EPHA10: variants seen among roughly 807,000 people sequenced by gnomAD.
EPHA10 encodes the protein EPH receptor A10.
Under a neutral mutation model 109.7 loss-of-function variants are expected in EPHA10, and 120 were observed. That is an observed-to-expected ratio of 1.09 (90% CI 0.94 to 1.27). The LOEUF (loss-of-function observed/expected upper bound fraction) is 1.27, where lower values mean the gene tolerates loss of function less well. Among genes scored for constraint, EPHA10 ranks in the 50% most tolerant of loss-of-function variants. The pLI is 0.00. For missense variants in EPHA10, 1,396 were observed against 1,411.1 expected (o/e 0.99, Z 0.17); for synonymous variants, 640 against 618.9 (o/e 1.03, Z -0.51).
At chr1:37,726,311 G>A (rs1050954477) in intron 8 of EPHA10, among the ~76,000 whole-genome samples, 1 of 152,190 alleles carries the variant, frequency 6.6e-6, no homozygotes, top group East Asian at 1.9e-4. Context: ...CTAGACTAGC[G>A]AGACAGTGTT....
At chr1:37,726,223 C>T (rs1645889329) in intron 8 of EPHA10, among the ~76,000 whole-genome samples, 1 of 152,182 alleles carries the variant, frequency 6.6e-6, no homozygotes, top group Non-Finnish European at 1.5e-5. Flanking sequence ...GCACATGGAC[C>T]CTTCATGCTC....
intron 5 of EPHA10, among the ~76,000 whole-genome samples, chr1:37,735,611 C>A (rs1329213109): frequency 1.3e-5 from 2 of 152,072 alleles, no homozygotes; most frequent in Non-Finnish European, 2.9e-5. Context: ...GCCCCCACAG[C>A]CCTTTTCTTC....
Position 37,765,084 on chromosome 1 carries a change from G to A in EPHA10, c.-18C>T. The A allele has an allele frequency of 6.4e-7, 1 of 1,574,694 alleles. No individual in the cohort carries two copies. Among genetic ancestry groups the A allele is most frequent in the Non-Finnish European group, 8.6e-7 (1 of 1,164,476 alleles). ...GTCTCCATGGTCCGCAGACCGAGCTGTCAGTCCGGCGGCGGCTCAAGCCGC... is the reference window on the plus strand; with the variant it reads ...GTCTCCATGGTCCGCAGACCGAGCTATCAGTCCGGCGGCGGCTCAAGCCGC... On this transcript the variant is annotated 5_prime_UTR_variant, in exon 1 of 17. Transcript: ENST00000373048.
At chr1:37,732,718 A>C (rs1293081329) in intron 6 of EPHA10, among the ~76,000 whole-genome samples, 1 of 152,048 alleles carries the variant, frequency 6.6e-6, no homozygotes. Context: ...TGGTGTGCAG[A>C]GAGAGGTTGA....
In EPHA10 at chr1:37,762,103, G is replaced by C. The variant is rs752048917; in HGVS notation, c.172-20C>G. Reference sequence around the variant, plus strand: ...CTCCCACTGGGGACAAGAGTAAAGGGGTGGGCAGCCCAGAGCCAAAGTGCT... The same window carrying C: ...CTCCCACTGGGGACAAGAGTAAAGGCGTGGGCAGCCCAGAGCCAAAGTGCT... On this transcript the variant is annotated intron_variant, in intron 2 of 16. Transcript: ENST00000373048. 4 of 1,554,502 alleles carry C rather than the reference G, an allele frequency of 2.6e-6. No individual in the cohort carries two copies. The highest frequency in any genetic ancestry group is 3.5e-6 in the Non-Finnish European group (4 of 1,148,998).
intron 9 of EPHA10, 27 bp from the exon 10 acceptor site, chr1:37,723,193 G>A (rs761374454): frequency 1.9e-6 from 3 of 1,608,598 alleles, no homozygotes; most frequent in Non-Finnish European, 2.5e-6. Context: ...TGAGCCTGAG[G>A]AATGGGGCCT....
Position 37,719,439 on chromosome 1 carries a change from TG to T in EPHA10, c.2730del (p.Lys911SerfsTer4). 6.2e-7 allele frequency: 1 copy of T among 1,613,400 alleles called. No individual in the cohort carries two copies. Among genetic ancestry groups the T allele is most frequent in the Non-Finnish European group, 8.5e-7 (1 of 1,179,950 alleles). On this transcript the variant is annotated frameshift_variant, in exon 15 of 17. Transcript: ENST00000373048. LOFTEE classifies it high-confidence loss of function. ...LSKMVQDPEP[P>X]KCALTTCPRP... ...CTGGGACAGGTAGTCAGGGCACACT[TG>T]GGGGGCTCTGGGTCCTGCACCATCT... is the stretch of plus-strand genomic sequence containing the variant.
In EPHA10 at chr1:37,718,694, C is replaced by T. The variant is rs1645733439; in HGVS notation, c.2879G>A (p.Gly960Glu). ...CATCTCGGCCACGGCCTCCAGGCTC[C>T]CATAGCCAGCAGCCGCGAAGCTGTC... The part of the protein sequence containing the change: ...YKDSFAAAGY[G>E]SLEAVAEMTA... Residue 960 changes from glycine to glutamate, a missense_variant, in exon 16 of 17, where the codon GGG (glycine) becomes GAG (glutamate). Transcript: ENST00000373048. The T allele has an allele frequency of 1.2e-6, 2 of 1,613,224 alleles. No homozygotes were observed. The highest frequency in any genetic ancestry group is 1.1e-5 in the South Asian group (1 of 91,086).
Position 37,731,489 on chromosome 1 carries a change from T to C in EPHA10, c.1585A>G (p.Ile529Val). ...GATGGCCCCGGGGAAGCGGCCCGGA[T>C]CTGAAAGACGTAGCGGGTAGCCGGC... The part of the protein sequence containing the change: ...LKPATRYVFQ[I>V]RAASPGPSWE... Residue 529 changes from isoleucine to valine, a missense_variant, in exon 7 of 17, where the codon ATC becomes GTC. Transcript: ENST00000373048. 6.2e-7 allele frequency: 1 copy of C among 1,614,020 alleles called. No individual in the cohort carries two copies. The highest frequency in any genetic ancestry group is 8.5e-7 in the Non-Finnish European group (1 of 1,179,986).
At position 37,764,766 on chromosome 1, in the gene EPHA10, A is replaced by T. The variant is rs968871231; in HGVS notation, c.106+195T>A. On this transcript the variant is annotated intron_variant, in intron 1 of 16. Transcript: ENST00000373048. This position sits in a 1 kb window ranked among gnomAD's most constrained non-coding sequence, Gnocchi z 5.8. ...CAACCTCCCGGGTCTCCAGCCCCCAAGCTCCTCAGCGCCCCTCTCTTCGCT... is the reference window on the plus strand; with the variant it reads ...CAACCTCCCGGGTCTCCAGCCCCCATGCTCCTCAGCGCCCCTCTCTTCGCT... 6.6e-6 allele frequency among the ~76,000 whole-genome samples: 1 copy of T among 151,782 alleles called. No homozygotes were observed. The highest frequency in any genetic ancestry group is 2.4e-5 in the African/African-American group (1 of 41,284).
intron 5 of EPHA10, among the ~76,000 whole-genome samples, chr1:37,751,441 C>T (rs1268074004): frequency 1.3e-5 from 2 of 151,222 alleles, no homozygotes; most frequent in African/African-American, 4.9e-5. Context: ...TGGTGGTGCG[C>T]ACCTGTAATC....
At chr1:37,737,699 A>C (rs897469462) in intron 5 of EPHA10, among the ~76,000 whole-genome samples, 2 of 152,242 alleles carry the variant, frequency 1.3e-5, no homozygotes, top group African/African-American at 4.8e-5. Context: ...CACTGGATTC[A>C]GCAATGATTT....
intron 15 of EPHA10, 118 bp from the exon 16 acceptor site, chr1:37,718,934 A>T: frequency 1.5e-6 from 2 of 1,354,160 alleles, no homozygotes; most frequent in Middle Eastern, 2.6e-4. Flanking sequence ...ACCGGGCCCC[A>T]GGGCTGGATC....
rs766367997 is a variant in EPHA10 at position 37,720,385 on chromosome 1, G to C, written c.2378C>G (p.Pro793Arg). Reference protein sequence around the residue: ...VCKISGFGRGPRDRSEAVYTT... With the variant: ...VCKISGFGRGRRDRSEAVYTT... ...GTAGACAGCCTCTGATCGGTCCCGG[G>C]GGCCCCGCCCGAAGCCAGAGATCTT... The change falls in exon 13 of 17, where the codon CCC becomes CGC. Residue 793 changes from proline (P) to arginine (R), a missense_variant. Transcript: ENST00000373048. The C allele has an allele frequency of 1.9e-6, 3 of 1,612,386 alleles. No individual in the cohort carries two copies. Among genetic ancestry groups the C allele is most frequent in the African/African-American group, 2.7e-5 (2 of 74,916 alleles).
At chr1:37,726,482 G>A (rs1004770796) in intron 8 of EPHA10, among the ~76,000 whole-genome samples, 2 of 152,248 alleles carry the variant, frequency 1.3e-5, no homozygotes, top group Non-Finnish European at 2.9e-5. Flanking sequence ...GACTCTGCCT[G>A]CAGCAGAGTG....
intron 5 of EPHA10, among the ~76,000 whole-genome samples, chr1:37,742,243 G>T (rs1052300369): frequency 6.6e-6 from 1 of 152,174 alleles, no homozygotes; most frequent in Non-Finnish European, 1.5e-5. Flanking sequence ...CTAGTCAACA[G>T]CCTTGTCCCC....
rs1165457111 is a variant in EPHA10, at chr1:37,747,119, A to T, written c.1357+5757T>A. Among the ~76,000 whole-genome samples, 4 of 152,340 alleles carry T rather than the reference A, an allele frequency of 2.6e-5. No individual in the cohort carries two copies. The East Asian group carries it at 7.7e-4, about 29-fold the overall frequency. On this transcript the variant is annotated intron_variant, in intron 5 of 16. Coordinates refer to ENST00000373048, the MANE Select transcript of EPHA10 (RefSeq NM_001099439.2). ...ATTTTATGTTACATGAATTATACCT[A>T]AAAAAACCTTATAATACTAACAATG...
intron 3 of EPHA10, among the ~76,000 whole-genome samples, chr1:37,758,406 C>G (rs1199410323): frequency 1.3e-5 from 2 of 152,204 alleles, no homozygotes; most frequent in African/African-American, 2.4e-5. Flanking sequence ...GATTCCCTGA[C>G]TCAAGCTCTT....
intron 13 of EPHA10, 32 bp from the exon 14 acceptor site, chr1:37,720,090 G>C: frequency 6.2e-7 from 1 of 1,610,540 alleles, no homozygotes; most frequent in Non-Finnish European, 8.5e-7. Context: ...GGGCAAGGAG[G>C]AACTGGGTGA....
Sources: allele counts gnomAD v4.1 joint callset (sites outside exome capture counted in the v4.1 genomes callset), GRCh38; gene constraint gnomAD v4.1.1; non-coding constraint Gnocchi (gnomAD v3.1); transcripts MANE v1.5; gene names NCBI Gene and HGNC (gene_info 2026-07-23, HGNC 2026-07-21).